Variants in MYH15 observed in about 807,000 individuals in gnomAD.
MYH15 encodes the protein myosin-15.
In MYH15, 227 loss-of-function variants were observed where a neutral mutation model predicts 240.5. The ratio of observed to expected loss-of-function variants is 0.94; its 90% CI spans 0.85 to 1.05. MYH15 has a LOEUF of 1.05. Among genes scored for constraint, MYH15 ranks in the 50% least tolerant of loss-of-function variants. The pLI, the probability that MYH15 is intolerant of heterozygous loss-of-function variation, is 0.00. For synonymous variants in MYH15, 785 were observed against 796.7 expected, an observed-to-expected ratio of 0.99 and a Z score of 0.25; for missense variants, 2,217 against 2,247.5, an observed-to-expected ratio of 0.99 and a Z score of 0.27.
chr3:108,534,171 A>G (rs1448633442), upstream of MYH15, among the ~76,000 whole-genome samples: 1 of 152,220 alleles, frequency 6.6e-6, no homozygotes, highest in Admixed American at 6.5e-5. Flanking sequence ...CAGAAACAGA[A>G]TTCTAATGAG....
intron 30 of MYH15, among the ~76,000 whole-genome samples, chr3:108,413,681 T>C (rs1025235148): frequency 6.6e-6 from 1 of 152,232 alleles, no homozygotes; most frequent in Non-Finnish European, 1.5e-5. Context: ...GGCTATAAAA[T>C]TGATATTCTA....
intron 1 of MYH15, among the ~76,000 whole-genome samples, chr3:108,519,480 C>T (rs1349255366): frequency 6.6e-6 from 1 of 152,076 alleles, no homozygotes; most frequent in African/African-American, 2.4e-5. Flanking sequence ...ACATGATTGG[C>T]TCACATTCAC....
At chr3:108,445,609 GA>G (rs2082920713) in intron 21 of MYH15, among the ~76,000 whole-genome samples, 1 of 151,902 alleles carries the variant, frequency 6.6e-6, no homozygotes, top group South Asian at 2.1e-4. Context: ...CCAAGCACCA[GA>G]AGTTCTCCTA....
chr3:108,505,317 G>A (rs1312488488), intron 2 of MYH15, among the ~76,000 whole-genome samples: 1 of 152,116 alleles, frequency 6.6e-6, no homozygotes, highest in East Asian at 1.9e-4. Flanking sequence ...TGGTTGCCCA[G>A]GAGTGCAGTG....
rs2082998179 is a variant in MYH15, at chr3:108,454,004, A to G, written c.2399+2T>C. ...TTGGGGAGCAGGGTGGGCATATAAT[A>G]CCTTTCTTCCAGAATCTTCTGGAAT... On this transcript the variant is annotated splice_donor_variant, in intron 21 of 40. Transcript: ENST00000693548. LOFTEE classifies it high-confidence loss of function. 1 of 1,610,136 alleles carries G rather than the reference A, an allele frequency of 6.2e-7. No individual in the cohort carries two copies. The highest frequency in any genetic ancestry group is 8.5e-7 in the Non-Finnish European group (1 of 1,177,372).
At chr3:108,539,569 A>C in the MYH15 span, among the ~76,000 whole-genome samples, 2 of 152,212 alleles carry the variant, frequency 1.3e-5, no homozygotes, top group Admixed American at 6.5e-5. Flanking sequence ...GGCTGATTTA[A>C]AGCAGAATAA....
chr3:108,510,510 T>C lies in MYH15; in HGVS notation c.21A>G (p.Gly7=). 6.2e-7 allele frequency: 1 copy of C among 1,613,100 alleles called. No individual in the cohort carries two copies. Among genetic ancestry groups the C allele is most frequent in the Non-Finnish European group, 8.5e-7 (1 of 1,179,644 alleles). Residue 7 remains glycine, a synonymous_variant, in exon 1 of 41, where the codon GGA becomes GGG. Transcript: ENST00000693548. The part of the protein sequence containing the change: MDLSDL[G]EAAAFLRRSE... ...TTCTTCTGAGGAAGGCTGCGGCTTC[T>C]CCAAGGTCTGACAGATCCATCTTTA...
intron 40 of MYH15, among the ~76,000 whole-genome samples, chr3:108,382,871 T>C (rs1047301059): frequency 6.6e-6 from 1 of 152,216 alleles, no homozygotes; most frequent in African/African-American, 2.4e-5. Context: ...CAATCTCCTT[T>C]GATTCCTTTC....
rs764081596 is a variant in MYH15 at position 108,398,892 on chromosome 3, G to C, written c.4930-52C>G. 8 of 1,551,220 alleles carry C rather than the reference G, an allele frequency of 5.2e-6. No individual in the cohort carries two copies. The Admixed American group carries it at 1.3e-4, about 26-fold the overall frequency. ...TACAGATCCCTCTGAGTTCAACATA[G>C]ACTATGCACCTACACATGCATGATC... On this transcript the variant is annotated intron_variant, in intron 34 of 40. Transcript: ENST00000693548.
chr3:108,432,507 T>C (rs1326790228), intron 25 of MYH15, among the ~76,000 whole-genome samples: 2 of 152,168 alleles, frequency 1.3e-5, no homozygotes, highest in East Asian at 3.9e-4. Context: ...CAAATGTTAA[T>C]ACCCAAGACA....
chr3:108,476,218 C>A (rs1230285836), intron 12 of MYH15, among the ~76,000 whole-genome samples, 179 bp downstream of exon 12: 1 of 152,194 alleles, frequency 6.6e-6, no homozygotes, highest in Non-Finnish European at 1.5e-5. Flanking sequence ...AGAGCATTTA[C>A]TGTGGTGTGC....
At chr3:108,471,857 G>T (rs1471953002) in intron 12 of MYH15, among the ~76,000 whole-genome samples, 1 of 152,178 alleles carries the variant, frequency 6.6e-6, no homozygotes, top group African/African-American at 2.4e-5. Context: ...TAGTGGTATA[G>T]TACATTAGAA....
the MYH15 span, among the ~76,000 whole-genome samples, chr3:108,537,853 C>T: frequency 1.3e-5 from 2 of 152,106 alleles, no homozygotes; most frequent in South Asian, 4.2e-4. Flanking sequence ...AATACATAGC[C>T]CACTTCAAGG....
Position 108,414,423 on chromosome 3 carries a change from C to A in MYH15, c.3954G>T (p.Gln1318His). The change falls in exon 30 of 41, where the codon CAG becomes CAT. Residue 1318 changes from glutamine to histidine, a missense_variant. Transcript: ENST00000693548. ...RGQLEKETKS[Q>H]SALAHALQKA... is the part of the protein sequence containing the mutation. ...TCTGCAGGGCATGGGCCAGGGCACT[C>A]TGGGACTGTAGGGGACACACATTAA... The A allele has an allele frequency of 6.2e-7, 1 of 1,613,572 alleles. No homozygotes were observed. The highest frequency in any genetic ancestry group is 1.1e-5 in the South Asian group (1 of 91,022).
chr3:108,390,743 T>C (rs1294063598), intron 37 of MYH15, among the ~76,000 whole-genome samples: 2 of 152,226 alleles, frequency 1.3e-5, no homozygotes, highest in African/African-American at 4.8e-5. Context: ...CTTCATTTGC[T>C]TCCATTGGTG....
intron 9 of MYH15, among the ~76,000 whole-genome samples, chr3:108,487,124 C>T (rs1383622764): frequency 6.6e-6 from 1 of 152,192 alleles, no homozygotes; most frequent in Admixed American, 6.5e-5. Flanking sequence ...ACATGATTCA[C>T]TTAGTCAGGA....
In MYH15 at chr3:108,441,279, A is replaced by T; in HGVS notation, c.2656-19T>A. Reference sequence around the variant, plus strand: ...CTTGCTCCTGCCATGATGAGGAGAAAATTGTTGCCAACAGCTGGAAGTAAT... The same window carrying T: ...CTTGCTCCTGCCATGATGAGGAGAATATTGTTGCCAACAGCTGGAAGTAAT... On this transcript the variant is annotated intron_variant, in intron 22 of 40. Transcript: ENST00000693548. 6.2e-7 allele frequency: 1 copy of T among 1,612,066 alleles called. No homozygotes were observed. Among genetic ancestry groups the T allele is most frequent in the Non-Finnish European group, 8.5e-7 (1 of 1,178,506 alleles).
rs2082440367 is a variant in MYH15 at position 108,394,015 on chromosome 3, T to A, written c.5259+16A>T. The A allele has an allele frequency of 6.2e-7, 1 of 1,613,198 alleles. No individual in the cohort carries two copies. The highest frequency in any genetic ancestry group is 1.1e-5 in the South Asian group (1 of 91,036). On this transcript the variant is annotated intron_variant, in intron 36 of 40. Transcript: ENST00000693548. The stretch of plus-strand genomic sequence containing the variant: ...ACTCTGGGAGACAGGATTGAGTACG[T>A]GGTCAAGGGACCCACCTCAATGGCT...
At chr3:108,506,004 C>T (rs370899561) in intron 1 of MYH15, among the ~76,000 whole-genome samples, 175 bp from the exon 2 acceptor site, 1 of 152,092 alleles carries the variant, frequency 6.6e-6, no homozygotes, top group Non-Finnish European at 1.5e-5. Context: ...TACACTCACT[C>T]ACATAATGGC....
Sources: allele counts gnomAD v4.1 joint callset (sites outside exome capture counted in the v4.1 genomes callset), GRCh38; gene constraint gnomAD v4.1.1; transcripts MANE v1.5; gene names NCBI Gene and HGNC (gene_info 2026-07-23, HGNC 2026-07-21).